Variants in RBFOX2 observed in about 807,000 individuals in gnomAD.
RBFOX2 encodes the protein RNA binding fox-1 homolog 2, also known as RNA binding protein fox-1 homolog 2.
RBFOX2 carries 10 observed loss-of-function variants against 49.1 expected under a neutral mutation model. The observed-to-expected ratio is 0.20, with a 90% confidence interval of 0.13 to 0.35. RBFOX2 has a LOEUF of 0.35. RBFOX2 is among the 10% of genes least tolerant of loss of function. The pLI, the probability that RBFOX2 is intolerant of heterozygous loss-of-function variation, is 1.00. For synonymous variants in RBFOX2, 183 were observed against 187.4 expected, an observed-to-expected ratio of 0.98 and a Z score of 0.19; for missense variants, 323 against 486.9, an observed-to-expected ratio of 0.66 and a Z score of 3.17.
At chr22:35,947,156 CACTCCAGCCTGGGCGACAG>C (rs1365781936) in intron 1 of RBFOX2, among the ~76,000 whole-genome samples, 2 of 152,020 alleles carry the variant, frequency 1.3e-5, no homozygotes, top group Non-Finnish European at 2.9e-5. Flanking sequence ...CGTGCCACTG[CACTCCAGCCTGGGCGACAG>C]AGCAAAACTC....
exon 2 of RBFOX2, chr22:35,809,873 C>G: frequency 6.2e-7 from 1 of 1,614,072 alleles, no homozygotes; most frequent in South Asian, 1.1e-5. Flanking sequence ...GCTCACCGGT[C>G]TGGCCGGCAT....
intron 2 of RBFOX2, among the ~76,000 whole-genome samples, chr22:35,807,086 G>A (rs1353813959): frequency 6.6e-6 from 1 of 152,192 alleles, no homozygotes; most frequent in Non-Finnish European, 1.5e-5. Flanking sequence ...TTACAGGCGT[G>A]AGCCACCCCA....
chr22:35,964,634 G>A (rs2056449926), upstream of RBFOX2, among the ~76,000 whole-genome samples: 1 of 152,144 alleles, frequency 6.6e-6, no homozygotes, highest in South Asian at 2.1e-4. Flanking sequence ...CCCTAATGCA[G>A]TCAGGATCTA....
exon 12 of RBFOX2, chr22:35,739,318 TTGGAC>T (rs1214745540): frequency 6.6e-6 from 1 of 152,320 alleles, no homozygotes; most frequent in East Asian, 1.9e-4. Context: ...TTGCAAAGAT[TTGGAC>T]TGAAAAGCTC....
intron 1 of RBFOX2, among the ~76,000 whole-genome samples, chr22:35,824,582 AG>A (rs1256865112): frequency 2.6e-5 from 4 of 152,242 alleles, no homozygotes; most frequent in Admixed American, 2.6e-4. Flanking sequence ...AGTAGTCATC[AG>A]AAATGCTATT....
intron 1 of RBFOX2, among the ~76,000 whole-genome samples, chr22:35,954,691 C>A (rs868864173): frequency 1.1e-4 from 16 of 152,328 alleles, no homozygotes; most frequent in Middle Eastern, 6.8e-3. Context: ...ACTCCTTCAG[C>A]AAACATTTAC....
intron 1 of RBFOX2, among the ~76,000 whole-genome samples, chr22:35,914,196 C>T (rs1735446312): frequency 6.6e-6 from 1 of 152,180 alleles, no homozygotes. Context: ...TGGACAGCCT[C>T]TCTAGCCTAC....
chr22:35,792,331 AAAAGAAAAG>A (rs1258640944), intron 2 of RBFOX2, among the ~76,000 whole-genome samples: 243 of 96,842 alleles, frequency 2.5e-3, no homozygotes, highest in South Asian at 8.2e-3. Context: ...AAAAAAAAAA[AAAAGAAAAG>A]AAAAGAAAAG....
intron 1 of RBFOX2, among the ~76,000 whole-genome samples, chr22:36,022,931 CTG>C (rs2059299392): frequency 6.6e-6 from 1 of 152,160 alleles, no homozygotes; most frequent in Non-Finnish European, 1.5e-5. Context: ...GCCTCCAAAA[CTG>C]TGAGAAATAA....
At chr22:35,751,588 C>A (rs981529122) in intron 9 of RBFOX2, among the ~76,000 whole-genome samples, 1 of 152,110 alleles carries the variant, frequency 6.6e-6, no homozygotes, top group Non-Finnish European at 1.5e-5. Context: ...CTGCTAAGAA[C>A]CATGGTTCTA....
At chr22:35,789,805 T>C (rs1187802870) in intron 2 of RBFOX2, among the ~76,000 whole-genome samples, 1 of 152,202 alleles carries the variant, frequency 6.6e-6, no homozygotes, top group East Asian at 1.9e-4. Flanking sequence ...TTTCTTTTTG[T>C]TATCTATCTT....
chr22:35,849,288 TACACACACAAACACACAC>T (rs2041604216), intron 1 of RBFOX2, among the ~76,000 whole-genome samples: 1 of 96,852 alleles, frequency 1.0e-5, no homozygotes, highest in African/African-American at 5.0e-5. Context: ...CACACACACA[TACACACACAAACACACAC>T]ACACACACAC....
chr22:35,912,507 C>A (rs2049944964), intron 1 of RBFOX2, among the ~76,000 whole-genome samples: 1 of 152,168 alleles, frequency 6.6e-6, no homozygotes, highest in Admixed American at 6.6e-5. Context: ...GTGAAATCCC[C>A]TAAGCTCTCC....
chr22:35,775,453 G>A (rs901572414), intron 4 of RBFOX2, among the ~76,000 whole-genome samples: 3 of 152,190 alleles, frequency 2.0e-5, no homozygotes, highest in African/African-American at 7.2e-5. Context: ...GCTGACAGAA[G>A]CAGCCTATGC....
chr22:35,986,330 C>G lies in RBFOX2; in HGVS notation c.186+41910G>C, dbSNP rs75777124. ...GAAGGAGAATGAATAATTCAGACTC[C>G]CTGATTCACTTAACAAAGTCCTGTC... On this transcript the variant is annotated intron_variant, in intron 1 of 13. Transcript: ENST00000438146. Among the ~76,000 whole-genome samples, 14 of 152,156 alleles carry G rather than the reference C, an allele frequency of 9.2e-5. No individual in the cohort carries two copies. The East Asian group carries it at 2.3e-3, about 25-fold the overall frequency.
chr22:35,843,369 G>A (rs2040758068), upstream of RBFOX2, among the ~76,000 whole-genome samples: 1 of 152,090 alleles, frequency 6.6e-6, no homozygotes, highest in Non-Finnish European at 1.5e-5. Context: ...TGTCTGGGAC[G>A]TGGTAAGTAC....
exon 1 of RBFOX2, chr22:36,028,392 G>C: frequency 7.9e-7 from 1 of 1,271,966 alleles, no homozygotes. Flanking sequence ...GGCCCGAGCT[G>C]AGGCGGCTGA....
At chr22:35,832,691 G>T (rs947523821) in intron 1 of RBFOX2, among the ~76,000 whole-genome samples, 1 of 151,794 alleles carries the variant, frequency 6.6e-6, no homozygotes, top group Admixed American at 6.6e-5. Context: ...AATTAGCCAG[G>T]TGTGGTGGCA....
chr22:35,866,916 C>T (rs1391149690), intron 1 of RBFOX2, among the ~76,000 whole-genome samples: 1 of 152,196 alleles, frequency 6.6e-6, no homozygotes, highest in Non-Finnish European at 1.5e-5. Context: ...AGAAATATCA[C>T]AGAATTAGAG....
Sources: allele counts gnomAD v4.1 joint callset (sites outside exome capture counted in the v4.1 genomes callset), GRCh38; gene constraint gnomAD v4.1.1; transcripts MANE v1.5; gene names NCBI Gene and HGNC (gene_info 2026-07-23, HGNC 2026-07-21).